Variants in MST1R observed in about 807,000 individuals in gnomAD.
MST1R encodes macrophage stimulating 1 receptor, also known as macrophage-stimulating protein receptor.
A neutral mutation model predicts 117.8 loss-of-function variants in MST1R; 99 were observed. The observed-to-expected ratio is 0.84, with a 90% CI of 0.71 to 0.99. MST1R has a LOEUF of 0.99. Among genes scored for constraint, MST1R ranks in the 50% least tolerant of loss-of-function variants. The pLI is 0.00. For synonymous variants in MST1R, 734 were observed against 765.3 expected (o/e 0.96, Z 0.68); for missense variants, 1,683 against 1,840.2 (o/e 0.91, Z 1.56).
rs2082188474 is a variant in MST1R at position 49,887,188 on chromosome 3, C to T, written c.*119G>A. On this transcript the variant is annotated 3_prime_UTR_variant, in exon 20 of 20. Coordinates refer to ENST00000296474, the MANE Select transcript of MST1R (RefSeq NM_002447.4). ...CCTAATGGGCCCCATTTACCTATTG[C>T]CTCTGAAAGTTAAAGGGCAGGAACA... 1 of 1,409,154 alleles carries T rather than the reference C, an allele frequency of 7.1e-7. No homozygotes were observed. Among genetic ancestry groups the T allele is most frequent in the Non-Finnish European group, 9.7e-7 (1 of 1,029,862 alleles). The allele number at this position is 1,409,154 out of a possible 1,614,324, so 87.3% of individuals were successfully genotyped here. A position where few individuals can be genotyped will look rare whatever the true frequency, so the allele number is the denominator to read the frequency against.
At chr3:49,892,830 G>A (rs1463629903) in intron 14 of MST1R, among the ~76,000 whole-genome samples, 1 of 150,046 alleles carries the variant, frequency 6.7e-6, no homozygotes, top group Non-Finnish European at 1.5e-5. Context: ...GGCAGTGGCA[G>A]GCCCCTGTAA....
In MST1R at chr3:49,896,375, C is replaced by G; in HGVS notation, c.2469G>C (p.Leu823=). ...RCERQLPEQQ[L]CRLPEYVVRD... is the part of the protein sequence containing the mutation. ...GGACCACATATTCAGGAAGGCGGCA[C>G]AGCTGCTGCTCTGGAAGCTGCCTCT... is the stretch of plus-strand genomic sequence containing the variant. The change falls in exon 10 of 20, where the codon CTG becomes CTC. Residue 823 remains leucine (L), a synonymous_variant. Transcript: ENST00000296474. 1 of 1,613,806 alleles carries G rather than the reference C, an allele frequency of 6.2e-7. No individual in the cohort carries two copies. The highest frequency in any genetic ancestry group is 8.5e-7 in the Non-Finnish European group (1 of 1,179,950).
In MST1R at chr3:49,890,531, G is replaced by A. The variant is rs539807742; in HGVS notation, c.3764C>T (p.Ala1255Val). 15 of 1,614,112 alleles carry A rather than the reference G, an allele frequency of 9.3e-6. No individual in the cohort carries two copies. The highest frequency in any genetic ancestry group is 8.8e-5 in the South Asian group (8 of 91,080). The change falls in exon 18 of 20, where the codon GCG becomes GTG. Residue 1255 changes from alanine to valine, a missense_variant. Transcript: ENST00000296474. Reference sequence around the variant, plus strand: ...TCTATAGGTCTGCAGGCTCTCCAGCGCCATCCACTTCACAGGTAGGCGAGC... The same window carrying A: ...TCTATAGGTCTGCAGGCTCTCCAGCACCATCCACTTCACAGGTAGGCGAGC... ...RHARLPVKWM[A>V]LESLQTYRFT...
At chr3:49,892,047 TCTGCCTCCCAGGTTCAAGTGATTCTC>T (rs2082331883) in intron 14 of MST1R, 1 of 371,176 alleles carries the variant, frequency 2.7e-6, no homozygotes, top group Admixed American at 4.3e-5. Flanking sequence ...CATTGCAACC[TCTGCCTCCCAGGTTCAAGTGATTCTC>T]CTGCCTCAGC....
chr3:49,887,694 C>G, intron 19 of MST1R, 132 bp from the exon 20 acceptor site: 7 of 945,584 alleles, frequency 7.4e-6, no homozygotes, highest in Non-Finnish European at 1.1e-5. Flanking sequence ...CTAGCACTAC[C>G]CAATCAGGGG....
chr3:49,903,797 G>C lies in MST1R; in HGVS notation c.-188C>G. 1.3e-6 allele frequency: 1 copy of C among 759,482 alleles called. No individual in the cohort carries two copies. The highest frequency in any genetic ancestry group is 2.0e-6 in the Non-Finnish European group (1 of 493,844). 47.0% of individuals were successfully genotyped at this position (759,482 alleles called of 1,614,324 possible). A position where few individuals can be genotyped will look rare whatever the true frequency, so the allele number is the denominator to read the frequency against. On this transcript the variant is annotated 5_prime_UTR_variant, in exon 1 of 20. Transcript: ENST00000296474. ...AAATCCCTTCCCGGCCCTCGGGTCT[G>C]AGCACCTGACGCCTGCGGACGCACG... is the stretch of plus-strand genomic sequence containing the variant.
chr3:49,900,069 A>G (rs535848229), intron 1 of MST1R, among the ~76,000 whole-genome samples: 35 of 152,218 alleles, frequency 2.3e-4, no homozygotes, highest in African/African-American at 8.2e-4. Context: ...CGGTTTCCCC[A>G]CTTGCATAAG....
In MST1R at chr3:49,903,675, T is replaced by A. The variant is rs2108517573; in HGVS notation, c.-66A>T. 1.3e-6 allele frequency: 2 copies of A among 1,507,544 alleles called. No homozygotes were observed. The highest frequency in any genetic ancestry group is 2.6e-5 in the South Asian group (2 of 75,690). 93.4% of individuals were successfully genotyped at this position (1,507,544 alleles called of 1,614,324 possible). ...GCCTGGACCTGGGCGTGGGCCTGGC[T>A]GGGGGCCCGACTCGAGGTCTGGACT... On this transcript the variant is annotated 5_prime_UTR_variant, in exon 1 of 20. Coordinates refer to ENST00000296474, the MANE Select transcript of MST1R (RefSeq NM_002447.4).
Position 49,903,654 on chromosome 3 carries a change from G to T in MST1R, c.-45C>A. On this transcript the variant is annotated 5_prime_UTR_variant, in exon 1 of 20. Transcript: ENST00000296474. ...AGAGGATCCCTACCGGCCTGGGCCT[G>T]GACCTGGGCGTGGGCCTGGCTGGGG... is the stretch of plus-strand genomic sequence containing the variant. The T allele has an allele frequency of 6.6e-7, 1 of 1,520,846 alleles. No individual in the cohort carries two copies. The highest frequency in any genetic ancestry group is 1.3e-5 in the South Asian group (1 of 77,828). The allele number at this position is 1,520,846 out of a possible 1,614,324, so 94.2% of individuals were successfully genotyped here.
chr3:49,897,032 G>A (rs891208977), intron 7 of MST1R, 142 bp from the exon 8 acceptor site: 4 of 1,222,438 alleles, frequency 3.3e-6, no homozygotes, highest in Non-Finnish European at 4.4e-6. Context: ...AAAATAAGGT[G>A]GTCCCAGGAA....
chr3:49,897,447 T>C (rs1575441660), intron 6 of MST1R, 31 bp from the exon 7 acceptor site: 2 of 1,610,382 alleles, frequency 1.2e-6, no homozygotes, highest in Non-Finnish European at 1.7e-6. Flanking sequence ...CTTAGGCAGG[T>C]CCTCCACTCC....
rs1288769862 is a variant in MST1R, at chr3:49,891,804, T to G, written c.3306A>C (p.Ile1102=). The change falls in exon 15 of 20, where the codon ATA becomes ATC. Residue 1102 remains isoleucine (I), a synonymous_variant. Transcript: ENST00000296474. The stretch of plus-strand genomic sequence containing the variant: ...ATTGGATTCGATTCTGGGCCTGGTC[T>G]ATGTATTCTCCGTGGTAGACAACTC... ...HFGVVYHGEY[I]DQAQNRIQCA... 1 of 1,614,082 alleles carries G rather than the reference T, an allele frequency of 6.2e-7. No individual in the cohort carries two copies. Among genetic ancestry groups the G allele is most frequent in the Non-Finnish European group, 8.5e-7 (1 of 1,179,974 alleles).
intron 14 of MST1R, among the ~76,000 whole-genome samples, chr3:49,894,222 A>C (rs896959424): frequency 6.6e-6 from 1 of 150,666 alleles, no homozygotes; most frequent in Non-Finnish European, 1.5e-5. Flanking sequence ...TCTCAAAAAA[A>C]ATAATAATAA....
chr3:49,902,871 T>C lies in MST1R; in HGVS notation c.739A>G (p.Ile247Val). ...GTGTGGAAGCTGTGCACGTATTCAATACTGTAGGAGACAAGATGCTTGGGC... is the reference window on the plus strand; with the variant it reads ...GTGTGGAAGCTGTGCACGTATTCAACACTGTAGGAGACAAGATGCTTGGGC... Reference protein sequence around the residue: ...VLPKHLVSYSIEYVHSFHTGA... With the variant: ...VLPKHLVSYSVEYVHSFHTGA... The change falls in exon 1 of 20, where the codon ATT (isoleucine) becomes GTT (valine). Residue 247 changes from isoleucine (I) to valine (V), a missense_variant. Ile to Val is a conservative substitution (Grantham distance 29, BLOSUM62 3). Coordinates refer to ENST00000296474, the MANE Select transcript of MST1R (RefSeq NM_002447.4). 3.7e-6 allele frequency: 6 copies of C among 1,613,560 alleles called. No individual in the cohort carries two copies. Among genetic ancestry groups the C allele is most frequent in the Non-Finnish European group, 3.4e-6 (4 of 1,180,028 alleles).
At position 49,887,518 on chromosome 3, in the gene MST1R, C is replaced by T. The variant is rs755570750; in HGVS notation, c.3992G>A (p.Arg1331Gln). 16 of 1,614,148 alleles carry T rather than the reference C, an allele frequency of 9.9e-6. No homozygotes were observed. Among genetic ancestry groups the T allele is most frequent in the South Asian group, 5.5e-5 (5 of 91,074 alleles). The change falls in exon 20 of 20, where the codon CGA (arginine) becomes CAA (glutamine). Residue 1331 changes from arginine (R) to glutamine (Q), a missense_variant. Physicochemically the swap from Arg to Gln is conservative, Grantham distance 43. Coordinates refer to ENST00000296474, the MANE Select transcript of MST1R (RefSeq NM_002447.4). ...QQCWEADPAVRPTFRVLVGEV... is the reference protein window; with the variant it reads ...QQCWEADPAVQPTFRVLVGEV... ...CCCCACTAGTACTCTGAAGGTGGGTCGCACTGCTGGGTCTGCCTCCCAGCA... is the reference window on the plus strand; with the variant it reads ...CCCCACTAGTACTCTGAAGGTGGGTTGCACTGCTGGGTCTGCCTCCCAGCA...
Position 49,896,021 on chromosome 3 carries a change from GT to G in MST1R, c.2735del (p.Asp912AlafsTer24), listed in dbSNP as rs754161605. On this transcript the variant is annotated frameshift_variant, in exon 11 of 20. Coordinates refer to ENST00000296474, the MANE Select transcript of MST1R (RefSeq NM_002447.4). LOFTEE classifies it high-confidence loss of function. Reference protein sequence around the residue: ...GESCQHEFRGDMVVCPLPPSL... With the variant: ...GESCQHEFRGXMVVCPLPPSL... ...ATGGGGGCAGGGGGCAGACAACCAT[GT>G]CCCCCCGGAACTCGTGCTGGCAGCT... 1 of 1,603,118 alleles carries G rather than the reference GT, an allele frequency of 6.2e-7. No homozygotes were observed. Among genetic ancestry groups the G allele is most frequent in the Non-Finnish European group, 8.5e-7 (1 of 1,174,760 alleles).
At chr3:49,900,173 C>A (rs2082629184) in intron 1 of MST1R, among the ~76,000 whole-genome samples, 1 of 152,210 alleles carries the variant, frequency 6.6e-6, no homozygotes, top group African/African-American at 2.4e-5. Flanking sequence ...CTGGCTGCTT[C>A]CTATACCCCC....
chr3:49,889,525 T>C (rs1259739637), intron 19 of MST1R, among the ~76,000 whole-genome samples: 1 of 152,134 alleles, frequency 6.6e-6, no homozygotes, highest in Admixed American at 6.6e-5. Context: ...ATGGGGAATC[T>C]GAAACCACAT....
At chr3:49,898,430 T>G in intron 4 of MST1R, 88 bp downstream of exon 4, 47 of 1,524,000 alleles carry the variant, frequency 3.1e-5, no homozygotes, top group Non-Finnish European at 3.7e-5. Context: ...CCCCCAGACC[T>G]GAGAAAAATT....
Sources: allele counts gnomAD v4.1 joint callset (sites outside exome capture counted in the v4.1 genomes callset), GRCh38; gene constraint gnomAD v4.1.1; transcripts MANE v1.5; gene names NCBI Gene and HGNC (gene_info 2026-07-23, HGNC 2026-07-21).